RPS6KA6: variants seen among roughly 807,000 people sequenced by gnomAD.
RPS6KA6 encodes ribosomal protein S6 kinase A6.
In RPS6KA6, 27 loss-of-function variants were observed where a neutral mutation model predicts 65.4. The ratio of observed to expected loss-of-function variants is 0.41; its 90% CI spans 0.30 to 0.57. RPS6KA6 has a LOEUF of 0.57. Ranked by LOEUF, RPS6KA6 falls within the 20% of genes least tolerant of loss-of-function variation. The pLI, the probability that RPS6KA6 is intolerant of heterozygous loss-of-function variation, is 0.24. For missense variants in RPS6KA6, 486 were observed against 555.6 expected (o/e 0.87, Z 1.26); for synonymous variants, 190 against 184.2 (o/e 1.03, Z -0.26).
rs376350814 is a variant in RPS6KA6 at position 84,105,914 on chromosome X, C to A, written c.1366-38G>T. ...AAAAAAGAAAAATATCTGAGGCAAA[C>A]AAATTATTTTGTCTAAAATGAGTAT... On this transcript the variant is annotated intron_variant, in intron 15 of 21. Transcript: ENST00000262752. 278 of 791,555 alleles carry A rather than the reference C, an allele frequency of 3.5e-4. 1 individual carries two copies. The African/African-American group carries it at 5.0e-3, about 14-fold the overall frequency. 65.2% of individuals were successfully genotyped at this position (791,555 alleles called of 1,213,427 possible). A position where few individuals can be genotyped will look rare whatever the true frequency, so the allele number is the denominator to read the frequency against.
chrX:84,084,387 A>G (rs780359146), intron 20 of RPS6KA6, among the ~76,000 whole-genome samples: 7 of 111,887 alleles, frequency 6.3e-5, no homozygotes, highest in Middle Eastern at 4.2e-3. Flanking sequence ...TAATTTTTGT[A>G]TAAGGTGTAT....
At chrX:84,093,340 G>A (rs757818740) in intron 20 of RPS6KA6, among the ~76,000 whole-genome samples, 1 of 112,262 alleles carries the variant, frequency 8.9e-6, no homozygotes, top group South Asian at 3.7e-4. Context: ...ATGGGAAACT[G>A]AACAAGTTTA....
chrX:84,069,824 G>C (rs1033419668), intron 20 of RPS6KA6, among the ~76,000 whole-genome samples: 1 of 112,446 alleles, frequency 8.9e-6, no homozygotes, highest in African/African-American at 3.2e-5. Flanking sequence ...CATCATCACT[G>C]CTCATTAGAG....
In RPS6KA6 at chrX:84,187,863, G is replaced by A. The variant is rs139134408; in HGVS notation, c.37C>T (p.Arg13Ter). 31 of 1,199,377 alleles carry A rather than the reference G, an allele frequency of 2.6e-5. 1 individual carries two copies. In the African/African-American group the frequency reaches 4.7e-4, roughly 18 times the overall value. Residue 13 changes from arginine to a stop codon, truncating the protein, a stop_gained, in exon 1 of 22, where the codon CGA (arginine) becomes TGA (stop). Coordinates refer to ENST00000262752, the MANE Select transcript of RPS6KA6 (RefSeq NM_014496.5). LOFTEE classifies it high-confidence loss of function. ...CCGCCGCTGAACACTTCCATTTCTC[G>A]GTCCCAGGGCTCGTCCTGAGGAGCG... ...PFAPQDEPWD[R>*]EMEVFSGGGA...
intron 8 of RPS6KA6, among the ~76,000 whole-genome samples, chrX:84,129,171 A>T (rs180964804): frequency 1.7e-3 from 194 of 111,922 alleles, no homozygotes; most frequent in Non-Finnish European, 3.1e-3. Flanking sequence ...AATCCAATTA[A>T]AAAATGAGCA....
At position 84,187,829 on chromosome X, in the gene RPS6KA6, C is replaced by T. The variant is rs1272749629; in HGVS notation, c.71G>A (p.Ser24Asn). The T allele has an allele frequency of 1.7e-6, 2 of 1,202,927 alleles. No homozygotes were observed. The highest frequency in any genetic ancestry group is 2.2e-5 in the Admixed American group (1 of 45,314). ...EMEVFSGGGA[S>N]SGEVNGLKMV... The stretch of plus-strand genomic sequence containing the variant: ...GGCCACCACACTAACCTCGCCGCTG[C>T]TCGCGCCGCCGCCGCTGAACACTTC... The change falls in exon 1 of 22, where the codon AGC becomes AAC. Residue 24 changes from serine (S) to asparagine (N), a missense_variant. Physicochemically the swap from Ser to Asn is conservative, Grantham distance 46. This residue lies in a region of RPS6KA6 where 106 missense variants were observed against 105.0 expected (regional missense o/e 1.01). Coordinates refer to ENST00000262752, the MANE Select transcript of RPS6KA6 (RefSeq NM_014496.5).
chrX:84,167,061 T>A (rs2035607977), intron 1 of RPS6KA6, among the ~76,000 whole-genome samples: 1 of 110,929 alleles, frequency 9.0e-6, no homozygotes, highest in South Asian at 3.8e-4. Context: ...AAGACACATC[T>A]TAAGTAAACT....
chrX:84,125,568 A>G (rs1439650060), intron 8 of RPS6KA6, among the ~76,000 whole-genome samples: 1 of 111,572 alleles, frequency 9.0e-6, no homozygotes, highest in Non-Finnish European at 1.9e-5. Flanking sequence ...AAATAAAGAG[A>G]AAAAGGCTGG....
In RPS6KA6 at chrX:84,146,883, G is replaced by A. The variant is rs1366443220; in HGVS notation, c.421+95C>T. On this transcript the variant is annotated intron_variant, in intron 5 of 21. Transcript: ENST00000262752. ...ACTAAGTCTAAAGTATTTATTTCCT[G>A]TTATAGTATTGTGTGAAAGGAAATC... The A allele has an allele frequency of 2.9e-5, 13 of 454,753 alleles. No individual in the cohort carries two copies. The Admixed American group carries it at 6.0e-4, about 21-fold the overall frequency. 37.5% of individuals were successfully genotyped at this position (454,753 alleles called of 1,213,427 possible).
intron 20 of RPS6KA6, among the ~76,000 whole-genome samples, chrX:84,083,057 A>G (rs2033837636): frequency 8.9e-6 from 1 of 112,478 alleles, no homozygotes; most frequent in Non-Finnish European, 1.9e-5. Flanking sequence ...CATGACAAAA[A>G]CACAAAAAGC....
intron 12 of RPS6KA6, among the ~76,000 whole-genome samples, chrX:84,114,627 C>A (rs777788479): frequency 1.8e-5 from 2 of 111,853 alleles, no homozygotes; most frequent in Non-Finnish European, 3.8e-5. Flanking sequence ...TTACACAGAA[C>A]CAAAAAACAG....
At chrX:84,125,264 T>C (rs1348700564) in intron 8 of RPS6KA6, among the ~76,000 whole-genome samples, 1 of 111,960 alleles carries the variant, frequency 8.9e-6, no homozygotes, top group Admixed American at 9.5e-5. Context: ...AATATTATTA[T>C]GCTGTCATTG....
intron 18 of RPS6KA6, among the ~76,000 whole-genome samples, chrX:84,100,308 T>A (rs1467455472): frequency 4.5e-5 from 5 of 110,802 alleles, no homozygotes; most frequent in African/African-American, 1.3e-4. Flanking sequence ...GAAAAAAACA[T>A]CAATGGGCTG....
intron 12 of RPS6KA6, among the ~76,000 whole-genome samples, chrX:84,113,209 T>TCTAG (rs775310027): frequency 7.2e-5 from 8 of 110,742 alleles, no homozygotes; most frequent in Non-Finnish European, 1.5e-4. Flanking sequence ...ACCACACAGG[T>TCTAG]CTAGAAACAA....
intron 20 of RPS6KA6, among the ~76,000 whole-genome samples, chrX:84,075,609 C>T (rs1239564177): frequency 9.1e-6 from 1 of 110,100 alleles, no homozygotes; most frequent in African/African-American, 3.3e-5. Context: ...TCACTCAAAA[C>T]CCAAGACACA....
intron 20 of RPS6KA6, among the ~76,000 whole-genome samples, chrX:84,068,897 T>G (rs1297438499): frequency 9.0e-6 from 1 of 111,578 alleles, no homozygotes; most frequent in African/African-American, 3.3e-5. Context: ...CACAAACCAC[T>G]GCTCAAAGAA....
intron 1 of RPS6KA6, among the ~76,000 whole-genome samples, chrX:84,185,887 A>G (rs1350447529): frequency 8.9e-6 from 1 of 112,069 alleles, no homozygotes; most frequent in Admixed American, 9.4e-5. Flanking sequence ...ACTTCTTATC[A>G]AAAGAATATA....
In RPS6KA6 at chrX:84,062,491, C is replaced by G. The variant is rs180933416; in HGVS notation, c.*1786G>C. ...CATGCAAGTACATATAGTAATAAAG[C>G]AAATGAGAAAAAAAGCCAAAATGGA... On this transcript the variant is annotated 3_prime_UTR_variant, in exon 22 of 22. Coordinates refer to ENST00000262752, the MANE Select transcript of RPS6KA6 (RefSeq NM_014496.5). The G allele has an allele frequency of 5.0e-4, 55 of 110,083 alleles. No homozygotes were observed. The Admixed American group carries it at 5.2e-3, about 10-fold the overall frequency. The allele number at this position is 110,083 out of a possible 1,213,427, so 9.1% of individuals were successfully genotyped here.
chrX:84,093,734 G>T (rs1392555424), intron 20 of RPS6KA6, among the ~76,000 whole-genome samples: 3 of 111,878 alleles, frequency 2.7e-5, no homozygotes, highest in Non-Finnish European at 5.6e-5. Flanking sequence ...TTTTAAAATA[G>T]ATCAGTTTTA....
Sources: gnomAD v4.1 joint callset for allele counts (sites outside exome capture counted in the v4.1 genomes callset) on GRCh38, gnomAD v4.1.1 for gene constraint, gnomAD v4.1.1 regional missense constraint, MANE v1.5 for transcripts, NCBI Gene and HGNC (gene_info 2026-07-23, HGNC 2026-07-21) for gene names.